CSRNP3: variants seen among roughly 807,000 people sequenced by gnomAD.
CSRNP3 encodes the protein cysteine and serine rich nuclear protein 3, also known as cysteine/serine-rich nuclear protein 3.
A neutral mutation model predicts 48.0 loss-of-function variants in CSRNP3; 12 were observed. The observed-to-expected ratio is 0.25, with a 90% confidence interval of 0.16 to 0.41. CSRNP3 has a LOEUF of 0.41. CSRNP3 is among the 10% of genes least tolerant of loss of function. CSRNP3 has a pLI of 1.00. For synonymous variants in CSRNP3, 263 were observed against 269.7 expected, an observed-to-expected ratio of 0.98 and a Z score of 0.24; for missense variants, 580 against 724.4, an observed-to-expected ratio of 0.80 and a Z score of 2.29.
intron 1 of CSRNP3, among the ~76,000 whole-genome samples, chr2:165,478,462 C>T (rs1683998790): frequency 6.6e-6 from 1 of 152,138 alleles, no homozygotes; most frequent in Non-Finnish European, 1.5e-5. Flanking sequence ...TATTTGCTGT[C>T]CAAAGAGGTT....
intron 1 of CSRNP3, among the ~76,000 whole-genome samples, chr2:165,484,838 A>C (rs1432273861): frequency 6.6e-6 from 1 of 152,224 alleles, no homozygotes; most frequent in Non-Finnish European, 1.5e-5. Flanking sequence ...ACCAGAGTGT[A>C]CTACAGAATT....
chr2:165,619,561 A>G (rs1686306323), intron 4 of CSRNP3, among the ~76,000 whole-genome samples: 2 of 152,036 alleles, frequency 1.3e-5, no homozygotes, highest in Admixed American at 6.6e-5. Context: ...TGTCATTTAC[A>G]AAATCAATTA....
At chr2:165,509,106 A>G (rs1484900294) in intron 2 of CSRNP3, among the ~76,000 whole-genome samples, 1 of 152,166 alleles carries the variant, frequency 6.6e-6, no homozygotes, top group African/African-American at 2.4e-5. Flanking sequence ...TATCCATTCA[A>G]CAAGAGAAAG....
At chr2:165,588,949 C>A (rs144239251) in intron 3 of CSRNP3, among the ~76,000 whole-genome samples, 1 of 152,026 alleles carries the variant, frequency 6.6e-6, no homozygotes, top group Non-Finnish European at 1.5e-5. Context: ...GCGACAGAAA[C>A]CCTGTCTCAA....
In CSRNP3 at chr2:165,679,469, C is replaced by T; in HGVS notation, c.1474C>T (p.His492Tyr). 3 of 1,613,394 alleles carry T rather than the reference C, an allele frequency of 1.9e-6. No individual in the cohort carries two copies. The highest frequency in any genetic ancestry group is 2.5e-6 in the Non-Finnish European group (3 of 1,179,888). The change falls in exon 7 of 7, where the codon CAC becomes TAC. Residue 492 changes from histidine (H) to tyrosine (Y), a missense_variant. By Grantham distance (83) the His-to-Tyr change is moderately conservative. Transcript: ENST00000651982. ...AGCAGAAGAGGCCTATGGTGCCTCC[C>T]ACTACCCAGCTGCCAACCCCTCTGT... ...RQAEEAYGAS[H>Y]YPAANPSVIV...
chr2:165,593,604 C>G (rs1685759925), intron 3 of CSRNP3, among the ~76,000 whole-genome samples: 1 of 152,078 alleles, frequency 6.6e-6, no homozygotes, highest in South Asian at 2.1e-4. Context: ...GTGATCTGCA[C>G]AGAAAAGAAG....
chr2:165,472,894 C>T (rs1252699507), intron 1 of CSRNP3, among the ~76,000 whole-genome samples: 1 of 152,026 alleles, frequency 6.6e-6, no homozygotes, highest in Non-Finnish European at 1.5e-5. Context: ...TTTGGCATGT[C>T]AGTACGTTAT....
intron 5 of CSRNP3, among the ~76,000 whole-genome samples, chr2:165,669,710 T>C (rs1291945846): frequency 6.6e-6 from 1 of 152,154 alleles, no homozygotes; most frequent in East Asian, 1.9e-4. Context: ...ATAGTGGTTT[T>C]ATTTGTAGAG....
At chr2:165,601,357 A>G (rs1685911335) in intron 4 of CSRNP3, among the ~76,000 whole-genome samples, 1 of 152,220 alleles carries the variant, frequency 6.6e-6, no homozygotes, top group Non-Finnish European at 1.5e-5. Flanking sequence ...GTCTCTTGAA[A>G]CAGAGTGTTT....
At chr2:165,471,258 A>G (rs1683891608) in intron 1 of CSRNP3, among the ~76,000 whole-genome samples, 1 of 152,020 alleles carries the variant, frequency 6.6e-6, no homozygotes, top group Admixed American at 6.6e-5. Context: ...GATTTCAAAA[A>G]TTATTACATA....
chr2:165,613,117 G>T (rs1686168185), intron 4 of CSRNP3, among the ~76,000 whole-genome samples: 1 of 151,980 alleles, frequency 6.6e-6, no homozygotes, highest in African/African-American at 2.4e-5. Context: ...AGCCATTCTA[G>T]TTGGAGTGAC....
chr2:165,596,843 T>C (rs1685820383), intron 4 of CSRNP3, among the ~76,000 whole-genome samples: 1 of 152,210 alleles, frequency 6.6e-6, no homozygotes, highest in African/African-American at 2.4e-5. Flanking sequence ...TAGGCACATG[T>C]TAAATTAAAA....
intron 3 of CSRNP3, chr2:165,574,494 C>A: frequency 8.9e-7 from 1 of 1,125,034 alleles, no homozygotes; most frequent in Non-Finnish European, 1.3e-6. Flanking sequence ...TGGGCATTGG[C>A]TATTTTAATT....
chr2:165,664,696 C>G (rs907757874), intron 5 of CSRNP3, among the ~76,000 whole-genome samples: 7 of 152,086 alleles, frequency 4.6e-5, no homozygotes, highest in African/African-American at 1.7e-4. Context: ...TAATATGGTA[C>G]TTGACCTGGA....
intron 3 of CSRNP3, among the ~76,000 whole-genome samples, chr2:165,530,109 A>T (rs569622696): frequency 6.6e-6 from 1 of 152,272 alleles, no homozygotes; most frequent in African/African-American, 2.4e-5. Context: ...GAGGATTTAT[A>T]AAAGGGAGTA....
chr2:165,634,508 A>G lies in CSRNP3; in HGVS notation c.149-23253A>G, dbSNP rs558068018. Among the ~76,000 whole-genome samples the G allele has an allele frequency of 2.6e-5, 4 of 152,354 alleles. No homozygotes were observed. The South Asian group carries it at 8.3e-4, about 32-fold the overall frequency. On this transcript the variant is annotated intron_variant, in intron 4 of 6. Transcript: ENST00000651982. ...TTACAAAGGTTACATTCTGGTGGTCAAGATGGATAAGAAACAGACATATGC... is the reference window on the plus strand; with the variant it reads ...TTACAAAGGTTACATTCTGGTGGTCGAGATGGATAAGAAACAGACATATGC...
At chr2:165,480,762 T>C (rs147189363) in intron 1 of CSRNP3, among the ~76,000 whole-genome samples, 1,571 of 139,840 alleles carry the variant, frequency 0.011, 16 homozygotes, top group Admixed American at 0.022. Flanking sequence ...ATATTTTATA[T>C]TATATAAAAT....
chr2:165,541,237 A>G (rs1302140011), intron 3 of CSRNP3, among the ~76,000 whole-genome samples: 3 of 149,464 alleles, frequency 2.0e-5, no homozygotes, highest in African/African-American at 4.9e-5. Flanking sequence ...TTTTTTTTAG[A>G]CAGTGAGGAA....
chr2:165,576,027 T>C (rs1685445412), intron 3 of CSRNP3, among the ~76,000 whole-genome samples: 2 of 151,290 alleles, frequency 1.3e-5, no homozygotes, highest in South Asian at 2.1e-4. Flanking sequence ...CCAAACAATA[T>C]TTATAGGCTT....
Sources: allele counts gnomAD v4.1 joint callset (sites outside exome capture counted in the v4.1 genomes callset), GRCh38; gene constraint gnomAD v4.1.1; transcripts MANE v1.5; gene names NCBI Gene and HGNC (gene_info 2026-07-23, HGNC 2026-07-21).